The following VARS2 variants were observed in gnomAD, a reference collection of about 807,000 sequenced individuals.
The protein encoded by VARS2 is valyl-tRNA synthetase 2, mitochondrial.
VARS2 carries 105 observed loss-of-function variants against 154.1 expected under a neutral mutation model. That is an observed-to-expected ratio of 0.68 (90% CI 0.58 to 0.80). The LOEUF (loss-of-function observed/expected upper bound fraction) is 0.80. VARS2 is among the 30% of genes least tolerant of loss of function. VARS2 has a pLI of 0.00. For synonymous variants in VARS2, 483 were observed against 539.5 expected (o/e 0.90, Z 1.45); for missense variants, 1,157 against 1,361.4 (o/e 0.85, Z 2.36).
intron 22 of VARS2, 58 bp from the exon 23 acceptor site, chr6:30,922,840 G>A (rs561579592): frequency 1.3e-6 from 2 of 1,581,572 alleles, no homozygotes; most frequent in African/African-American, 2.7e-5. Flanking sequence ...CTGCAACCCA[G>A]GTCCTGGCCC....
At chr6:30,922,087 G>T in intron 19 of VARS2, 29 bp from the exon 20 acceptor site, 1 of 1,612,484 alleles carries the variant, frequency 6.2e-7, no homozygotes, top group Admixed American at 1.7e-5. Context: ...CCTGGGGCCT[G>T]GGCCTCTTAC....
At position 30,925,710 on chromosome 6, in the gene VARS2, G is replaced by A; in HGVS notation, c.2952G>A (p.Met984Ile). The A allele has an allele frequency of 1.2e-6, 2 of 1,611,208 alleles. No individual in the cohort carries two copies. Among genetic ancestry groups the A allele is most frequent in the Non-Finnish European group, 1.7e-6 (2 of 1,179,724 alleles). ...TCAGTGACACGGCTCAAGTCTACAT[G>A]GAGCTGCAGGTGACCAGAGGGGATG... ...APLSDTAQVY[M>I]ELQGLVDPQI... The change falls in exon 28 of 30, where the codon ATG becomes ATA. Residue 984 changes from methionine to isoleucine, a missense_variant. Physicochemically the swap from Met to Ile is conservative, Grantham distance 10 (BLOSUM62 1). Transcript: ENST00000676266.
rs1238059265 is a variant in VARS2 at position 30,917,735 on chromosome 6, TG to T, written c.915del (p.Pro306LeufsTer29). 1 of 1,568,136 alleles carries T rather than the reference TG, an allele frequency of 6.4e-7. No individual in the cohort carries two copies. The highest frequency in any genetic ancestry group is 8.7e-7 in the Non-Finnish European group (1 of 1,156,066). ...CTGCCTGGCCACACACAGCTTCGAC[TG>T]CCTGGCTGCCCCACCCCCGTGTCTT... ...RPLPGHTQLR[L>X]PGCPTPVSFG... On this transcript the variant is annotated frameshift_variant, in exon 10 of 30. Transcript: ENST00000676266. LOFTEE classifies it high-confidence loss of function. This position sits in a 1 kb window ranked among gnomAD's most constrained non-coding sequence, Gnocchi z 4.4.
At position 30,920,956 on chromosome 6, in the gene VARS2, G is replaced by A. The variant is rs1348723689; in HGVS notation, c.1480-109G>A. On this transcript the variant is annotated intron_variant, in intron 15 of 29. Coordinates refer to ENST00000676266, the MANE Select transcript of VARS2 (RefSeq NM_020442.6). The surrounding 1 kb of genome is among the most constrained non-coding windows in gnomAD (Gnocchi z 4.6). ...AGCCCAGAATCTTGGCAAGAGGCTT[G>A]GGAGGTCCTTTCTGAGTTTTAAAAT... The A allele has an allele frequency of 3.1e-6, 4 of 1,288,050 alleles. No homozygotes were observed. The highest frequency in any genetic ancestry group is 2.7e-5 in the Admixed American group (1 of 36,792). 79.8% of individuals were successfully genotyped at this position (1,288,050 alleles called of 1,614,324 possible).
rs761528624 is a variant in VARS2 at position 30,918,876 on chromosome 6, T to C, written c.1035T>C (p.Asp345=). The change falls in exon 11 of 30, where the codon GAT becomes GAC. Residue 345 remains aspartate (D), a synonymous_variant. Coordinates refer to ENST00000676266, the MANE Select transcript of VARS2 (RefSeq NM_020442.6). The part of the protein sequence containing the change: ...GTTRPETLPG[D]VAVAVHPDDS... ...CAAGGCCAGAGACGCTGCCTGGAGA[T>C]GTGGCTGTGGCCGTTCATCCAGACG... The C allele has an allele frequency of 1.9e-6, 3 of 1,613,016 alleles. No individual in the cohort carries two copies. The East Asian group carries it at 6.7e-5, about 36-fold the overall frequency.
chr6:30,920,769 A>T lies in VARS2; in HGVS notation c.1479+20A>T. ...GCCAAGGTGAGGCTGCAGTGTAGGA[A>T]GGACTGGGGCCAGGGGTTGGGGGAG... On this transcript the variant is annotated intron_variant, in intron 15 of 29. Coordinates refer to ENST00000676266, the MANE Select transcript of VARS2 (RefSeq NM_020442.6). This position sits in a 1 kb window ranked among gnomAD's most constrained non-coding sequence, Gnocchi z 4.6. 1 of 1,553,508 alleles carries T rather than the reference A, an allele frequency of 6.4e-7. No homozygotes were observed. Among genetic ancestry groups the T allele is most frequent in the Non-Finnish European group, 8.7e-7 (1 of 1,149,078 alleles).
chr6:30,924,012 C>T (rs1362629364), intron 25 of VARS2: 5 of 423,516 alleles, frequency 1.2e-5, no homozygotes, highest in Non-Finnish European at 1.7e-5. Flanking sequence ...TTTCTTGTCC[C>T]AAGTGGTGCT....
rs2150548621 is a variant in VARS2, at chr6:30,915,204, TATGAAATCCCTACGAAACCC to T, written c.251_270del (p.Tyr84TrpfsTer2). On this transcript the variant is annotated frameshift_variant, in exon 3 of 30. Coordinates refer to ENST00000676266, the MANE Select transcript of VARS2 (RefSeq NM_020442.6). LOFTEE classifies it high-confidence loss of function. ...CTGGAGGCCTAAGGAGTTAGTATTG[TATGAAATCCCTACGAAACCC>T]GGTGAAAAGAAAGGTAAGTAGAATA... 6.2e-7 allele frequency: 1 copy of T among 1,614,202 alleles called. No homozygotes were observed. Among genetic ancestry groups the T allele is most frequent in the Admixed American group, 1.7e-5 (1 of 60,020 alleles).
chr6:30,918,737 T>C, intron 10 of VARS2, 90 bp from the exon 11 acceptor site: 1 of 1,088,368 alleles, frequency 9.2e-7, no homozygotes, highest in Non-Finnish European at 1.4e-6. Flanking sequence ...CCCTGCCCCT[T>C]CCCCTTTCCA....
chr6:30,914,668 C>G, intron 1 of VARS2, 142 bp from the exon 2 acceptor site: 1 of 1,084,418 alleles, frequency 9.2e-7, no homozygotes, highest in Non-Finnish European at 1.3e-6. Flanking sequence ...CACTCTAGCT[C>G]TCAAGGAGGA....
chr6:30,924,391 C>T lies in VARS2; in HGVS notation c.2504C>T (p.Pro835Leu). The change falls in exon 26 of 30, where the codon CCC becomes CTC. Residue 835 changes from proline to leucine, a missense_variant. Transcript: ENST00000676266. ...CCCGTGCTGTGGCACTCGCCCCGCC[C>T]CCTGGGGCCCCCTCAGGTCCTGTTC... ...VKPVLWHSPR[P>L]LGPPQVLFSC... 1.2e-6 allele frequency: 2 copies of T among 1,612,700 alleles called. No homozygotes were observed. The highest frequency in any genetic ancestry group is 2.2e-5 in the South Asian group (2 of 91,068).
chr6:30,918,952 C>G (rs41273021), intron 11 of VARS2, 37 bp downstream of exon 11: 9 of 1,576,184 alleles, frequency 5.7e-6, no homozygotes, highest in African/African-American at 1.3e-5. Flanking sequence ...TGGCCCGCCC[C>G]GCCAATGGCC....
In VARS2 at chr6:30,922,194, A is replaced by G; in HGVS notation, c.1885A>G (p.Met629Val). ...CCTTCTGCTGTTCTGGGTGGGCCGC[A>G]TGGTCATGTTGGGGACCCAGCTCAC... ...SDLLLFWVGR[M>V]VMLGTQLTGQ... The change falls in exon 20 of 30, where the codon ATG (methionine) becomes GTG (valine). Residue 629 changes from methionine (M) to valine (V), a missense_variant. Transcript: ENST00000676266. 1 of 1,612,682 alleles carries G rather than the reference A, an allele frequency of 6.2e-7. No homozygotes were observed. The highest frequency in any genetic ancestry group is 8.5e-7 in the Non-Finnish European group (1 of 1,179,908).
intron 10 of VARS2, among the ~76,000 whole-genome samples, chr6:30,918,039 G>T (rs991957659): frequency 6.6e-6 from 1 of 151,406 alleles, no homozygotes; most frequent in African/African-American, 2.4e-5. Flanking sequence ...CCAGGAAAGA[G>T]ATCAGTTCTA....
At position 30,916,507 on chromosome 6, in the gene VARS2, C is replaced by G; in HGVS notation, c.671+258C>G. ...ATATATATATATATATTTTCTTTCT[C>G]TTTACTTACCCCAATTTCTCTTGTC... is the stretch of plus-strand genomic sequence containing the variant. On this transcript the variant is annotated intron_variant, in intron 7 of 29. Transcript: ENST00000676266. This position sits in a 1 kb window ranked among gnomAD's most constrained non-coding sequence, Gnocchi z 4.0. 6.3e-6 allele frequency: 2 copies of G among 318,758 alleles called. No homozygotes were observed. Among genetic ancestry groups the G allele is most frequent in the East Asian group, 6.2e-5 (1 of 16,186 alleles). The allele number at this position is 318,758 out of a possible 1,614,324, so 19.7% of individuals were successfully genotyped here.
At position 30,922,788 on chromosome 6, in the gene VARS2, G is replaced by A. The variant is rs1436406166; in HGVS notation, c.2106+14G>A. On this transcript the variant is annotated intron_variant, in intron 22 of 29. Coordinates refer to ENST00000676266, the MANE Select transcript of VARS2 (RefSeq NM_020442.6). ...GCTGCAGCACAGGTGAGTCATCGCT[G>A]CCTGCCCCCCACCAGCTCTAGCTCA... 1 of 1,603,096 alleles carries A rather than the reference G, an allele frequency of 6.2e-7. No individual in the cohort carries two copies.
At position 30,916,015 on chromosome 6, in the gene VARS2, C is replaced by T. The variant is rs1331060662; in HGVS notation, c.541C>T (p.Pro181Ser). Residue 181 changes from proline (P) to serine (S), a missense_variant, in exon 6 of 30, where the codon CCT becomes TCT. By Grantham distance (74) the Pro-to-Ser change is moderately conservative. Transcript: ENST00000676266. The surrounding 1 kb of genome is among the most constrained non-coding windows in gnomAD (Gnocchi z 4.0). ...RMRGDQVLWV[P>S]GSDHAGIATQ... The stretch of plus-strand genomic sequence containing the variant: ...GCGTGGGGATCAAGTGCTGTGGGTC[C>T]CTGGTTCAGATCATGCAGGAATTGC... 1 of 1,613,980 alleles carries T rather than the reference C, an allele frequency of 6.2e-7. No individual in the cohort carries two copies. Among genetic ancestry groups the T allele is most frequent in the Non-Finnish European group, 8.5e-7 (1 of 1,179,912 alleles).
At chr6:30,914,579 G>A in intron 1 of VARS2, 2 of 1,294,558 alleles carry the variant, frequency 1.5e-6, no homozygotes, top group Admixed American at 3.4e-5. Context: ...AGTGGTCACC[G>A]CCGAATCCAG....
intron 4 of VARS2, 74 bp from the exon 5 acceptor site, chr6:30,915,672 T>A: frequency 6.3e-7 from 1 of 1,593,398 alleles, no homozygotes; most frequent in Non-Finnish European, 8.6e-7. Flanking sequence ...TTCTTTCTGT[T>A]CTGGAGACAG....
Sources: gnomAD v4.1 joint callset for allele counts (sites outside exome capture counted in the v4.1 genomes callset) on GRCh38, gnomAD v4.1.1 for gene constraint, Gnocchi (gnomAD v3.1) non-coding constraint, MANE v1.5 for transcripts, NCBI Gene and HGNC (gene_info 2026-07-23, HGNC 2026-07-21) for gene names.